The following SNX25 variants were observed in gnomAD, a reference collection of about 807,000 sequenced individuals.
The protein encoded by SNX25 is sorting nexin-25.
Under a neutral mutation model 113.7 loss-of-function variants are expected in SNX25, and 62 were observed. That is an observed-to-expected ratio of 0.55 (90% CI 0.44 to 0.67). The LOEUF (loss-of-function observed/expected upper bound fraction) is 0.67. Ranked by LOEUF, SNX25 falls within the 30% of genes least tolerant of loss-of-function variation. The pLI is 0.00. For missense variants in SNX25, 1,014 were observed against 1,161.0 expected, an observed-to-expected ratio of 0.87 and a Z score of 1.84; for synonymous variants, 421 against 436.2, an observed-to-expected ratio of 0.97 and a Z score of 0.43.
chr4:185,223,921 A>G (rs1315791957), intron 1 of SNX25, among the ~76,000 whole-genome samples: 1 of 152,086 alleles, frequency 6.6e-6, no homozygotes, highest in African/African-American at 2.4e-5. Context: ...TCCCTCCTGT[A>G]CTCTTCGGTT....
At chr4:185,284,064 A>G (rs558671529) in intron 5 of SNX25, among the ~76,000 whole-genome samples, 79 of 152,330 alleles carry the variant, frequency 5.2e-4, no homozygotes, top group Admixed American at 9.1e-4. Flanking sequence ...ATTAATATCT[A>G]TTGAGTGCCT....
In SNX25 at chr4:185,361,814, C is replaced by T; in HGVS notation, c.2652-110C>T. ...AAAATCCAATTCCTAGTTTATTCAT[C>T]AAACACTTAGATCAGGCTGTATCTT... On this transcript the variant is annotated intron_variant, in intron 16 of 18. Coordinates refer to ENST00000652585, the MANE Select transcript of SNX25 (RefSeq NM_001378034.2). 6.1e-6 allele frequency: 5 copies of T among 824,092 alleles called. No homozygotes were observed. The South Asian group carries it at 1.5e-4, about 25-fold the overall frequency. 51.0% of individuals were successfully genotyped at this position (824,092 alleles called of 1,614,324 possible).
chr4:185,221,349 G>A (rs1739813596), intron 1 of SNX25, among the ~76,000 whole-genome samples: 1 of 151,964 alleles, frequency 6.6e-6, no homozygotes, highest in Admixed American at 6.6e-5. Context: ...AATTAAAAAA[G>A]TTTTTTCTAG....
intron 5 of SNX25, among the ~76,000 whole-genome samples, chr4:185,285,220 A>G (rs1483987810): frequency 2.6e-5 from 4 of 152,196 alleles, no homozygotes; most frequent in African/African-American, 9.6e-5. Context: ...TTAGTCTGTC[A>G]TAAACATCTA....
the SNX25 span, chr4:185,377,378 C>T: frequency 1.0e-5 from 2 of 194,158 alleles, no homozygotes; most frequent in Admixed American, 5.4e-5. Context: ...ATTAGCAGGG[C>T]GTGGTGGTGC....
intron 15 of SNX25, among the ~76,000 whole-genome samples, chr4:185,356,962 G>A (rs2095341959): frequency 6.6e-6 from 1 of 152,124 alleles, no homozygotes; most frequent in Admixed American, 6.6e-5. Context: ...TAAAAGTTTA[G>A]GTCTGTAGAA....
At chr4:185,213,421 G>T (rs796267150) in intron 1 of SNX25, among the ~76,000 whole-genome samples, 19 of 152,336 alleles carry the variant, frequency 1.2e-4, no homozygotes, top group African/African-American at 4.3e-4. Context: ...TTTTGTGAAG[G>T]TCAGGAAGGT....
Position 185,353,510 on chromosome 4 carries a change from TGTCA to T in SNX25, c.2494_2497del (p.Ser832IlefsTer20). ...GAGGAGACAGAGGAGGACAGTGACCTGTCAGATTATGGTGATGATGTGGATGGGA... is the reference window on the plus strand; with the variant it reads ...GAGGAGACAGAGGAGGACAGTGACCTGATTATGGTGATGATGTGGATGGGA... On this transcript the variant is annotated frameshift_variant, in exon 15 of 19. Coordinates refer to ENST00000652585, the MANE Select transcript of SNX25 (RefSeq NM_001378034.2). LOFTEE classifies it high-confidence loss of function. The T allele has an allele frequency of 6.2e-7, 1 of 1,614,154 alleles. No individual in the cohort carries two copies. The highest frequency in any genetic ancestry group is 8.5e-7 in the Non-Finnish European group (1 of 1,179,980).
chr4:185,316,602 G>A (rs1685868507), intron 7 of SNX25, among the ~76,000 whole-genome samples: 1 of 152,208 alleles, frequency 6.6e-6, no homozygotes, highest in East Asian at 1.9e-4. Context: ...GGAAATAGGA[G>A]TACATGGAGT....
At chr4:185,341,684 T>G (rs1461749093) in intron 11 of SNX25, among the ~76,000 whole-genome samples, 2 of 152,230 alleles carry the variant, frequency 1.3e-5, no homozygotes. Context: ...TCTGTTTTCT[T>G]GCTGGTTTCC....
At position 185,336,538 on chromosome 4, in the gene SNX25, T is replaced by A. The variant is rs557182281; in HGVS notation, c.1915-2841T>A. On this transcript the variant is annotated intron_variant, in intron 10 of 18. Transcript: ENST00000652585. ...TGGCTGAGTAGTATTCTGTGCTCTA[T>A]ACAGACTACATTTTCCACTTGTTGA... is the stretch of plus-strand genomic sequence containing the variant. Among the ~76,000 whole-genome samples the A allele has an allele frequency of 2.0e-5, 3 of 152,370 alleles. No homozygotes were observed. In the East Asian group the frequency reaches 5.8e-4, roughly 29 times the overall value.
intron 1 of SNX25, among the ~76,000 whole-genome samples, chr4:185,240,897 C>T (rs1260951066): frequency 3.3e-5 from 5 of 150,132 alleles, no homozygotes; most frequent in East Asian, 2.0e-4. Context: ...AGGGCAGAGG[C>T]GCTCCCCACA....
chr4:185,293,235 G>A (rs147986056), intron 6 of SNX25, among the ~76,000 whole-genome samples: 4 of 152,252 alleles, frequency 2.6e-5, no homozygotes, highest in Admixed American at 1.3e-4. Context: ...GCAGTTCCTC[G>A]AAATTTTAAA....
chr4:185,266,808 A>G (rs3112864), intron 4 of SNX25, among the ~76,000 whole-genome samples, 161 bp from the exon 5 acceptor site: 64,798 of 152,034 alleles, frequency 0.43, 14,020 homozygotes, highest in East Asian at 0.58. Context: ...GTATGTGTGC[A>G]TGTGTGTACA....
At chr4:185,359,222 G>A (rs568200108) in intron 16 of SNX25, among the ~76,000 whole-genome samples, 18 of 152,058 alleles carry the variant, frequency 1.2e-4, no homozygotes, top group Admixed American at 9.8e-4. Context: ...GGTAGTACAC[G>A]CATGCCTGTG....
At chr4:185,332,143 C>A (rs917951095) in intron 9 of SNX25, among the ~76,000 whole-genome samples, 6 of 152,218 alleles carry the variant, frequency 3.9e-5, no homozygotes, top group Non-Finnish European at 7.3e-5. Context: ...AAAGTATATA[C>A]TGAAAATACT....
chr4:185,337,882 A>G (rs913931798), intron 10 of SNX25, among the ~76,000 whole-genome samples: 2 of 152,182 alleles, frequency 1.3e-5, no homozygotes, highest in Non-Finnish European at 1.5e-5. Flanking sequence ...TTAAGGTGGT[A>G]TCTTATTTTG....
chr4:185,250,864 T>C (rs1745530002), intron 2 of SNX25, among the ~76,000 whole-genome samples: 1 of 152,112 alleles, frequency 6.6e-6, no homozygotes, highest in Non-Finnish European at 1.5e-5. Context: ...TAGTCTGATA[T>C]AAGCTATTCT....
At chr4:185,325,407 C>G (rs1386953574) in intron 9 of SNX25, among the ~76,000 whole-genome samples, 1 of 151,930 alleles carries the variant, frequency 6.6e-6, no homozygotes. Flanking sequence ...ATAGCATGCG[C>G]CTGTAGTCCC....
Sources: gnomAD v4.1 joint callset for allele counts (sites outside exome capture counted in the v4.1 genomes callset) on GRCh38, gnomAD v4.1.1 for gene constraint, MANE v1.5 for transcripts, NCBI Gene and HGNC (gene_info 2026-07-23, HGNC 2026-07-21) for gene names.